Variants in GARRE1 observed in about 807,000 individuals in gnomAD.
The protein encoded by GARRE1 is granule associated Rac and RHOG effector protein 1.
In GARRE1, 49 loss-of-function variants were observed where a neutral mutation model predicts 103.2. That is an observed-to-expected ratio of 0.47 (90% CI 0.38 to 0.60). GARRE1 has a LOEUF of 0.60. GARRE1 is among the 20% of genes least tolerant of loss of function. The probability of loss-of-function intolerance (pLI) is 0.00; values close to 1 mark genes in which losing one functional copy is unlikely to be tolerated. For missense variants in GARRE1, 1,199 were observed against 1,370.5 expected, an observed-to-expected ratio of 0.87 and a Z score of 1.98; for synonymous variants, 505 against 532.8, an observed-to-expected ratio of 0.95 and a Z score of 0.72.
chr19:34,306,976 G>A (rs570315101), intron 2 of GARRE1, among the ~76,000 whole-genome samples: 1 of 152,170 alleles, frequency 6.6e-6, no homozygotes, highest in East Asian at 1.9e-4. Context: ...AGGCCTGAAA[G>A]GGATGAGAGA....
rs1318047066 is a variant in GARRE1, at chr19:34,327,803, CTG to C, written c.882_883del (p.Cys294Ter). The C allele has an allele frequency of 1.2e-6, 2 of 1,614,034 alleles. No homozygotes were observed. Among genetic ancestry groups the C allele is most frequent in the Non-Finnish European group, 1.7e-6 (2 of 1,180,004 alleles). On this transcript the variant is annotated frameshift_variant, in exon 5 of 14. Coordinates refer to ENST00000299505, the MANE Select transcript of GARRE1 (RefSeq NM_014686.5). LOFTEE classifies it high-confidence loss of function. The stretch of plus-strand genomic sequence containing the variant: ...AGATAGCTCTGGAAAGCTTAGGACA[CTG>C]TGAATATGCAATGAAAGCCGGCTTC... ...YKIALESLGHCEYAMKAGFHL... is the reference protein window; with the variant it reads ...YKIALESLGHXEYAMKAGFHL...
At chr19:34,351,949 T>C (rs549402397) in intron 13 of GARRE1, among the ~76,000 whole-genome samples, 1 of 151,764 alleles carries the variant, frequency 6.6e-6, no homozygotes, top group South Asian at 2.1e-4. Context: ...AATTAAAAGA[T>C]CAGCTAGGCA....
intron 2 of GARRE1, among the ~76,000 whole-genome samples, chr19:34,310,926 G>A (rs559766944): frequency 2.6e-5 from 4 of 152,132 alleles, no homozygotes; most frequent in Non-Finnish European, 5.9e-5. Flanking sequence ...GGAGATACTG[G>A]TAGTTGCCTC....
At chr19:34,285,792 A>G (rs1368665403) in intron 1 of GARRE1, among the ~76,000 whole-genome samples, 1 of 152,036 alleles carries the variant, frequency 6.6e-6, no homozygotes, top group Non-Finnish European at 1.5e-5. Context: ...CACTGTGACC[A>G]GCCAGTTCCA....
In GARRE1 at chr19:34,342,340, G is replaced by C; in HGVS notation, c.2406G>C (p.Met802Ile). Residue 802 changes from methionine (M) to isoleucine (I), a missense_variant, in exon 10 of 14, where the codon ATG becomes ATC. Transcript: ENST00000299505. ...GLVSSYMDNV[M>I]SEVLGQKPQG... ...TGAGCAGCTATATGGATAATGTGAT[G>C]TCAGAGGTTCTGGGACAGAAGCCGC... is the stretch of plus-strand genomic sequence containing the variant. The C allele has an allele frequency of 6.2e-7, 1 of 1,614,194 alleles. No individual in the cohort carries two copies. The highest frequency in any genetic ancestry group is 1.1e-5 in the South Asian group (1 of 91,080).
intron 8 of GARRE1, among the ~76,000 whole-genome samples, chr19:34,337,017 G>T (rs1265618501): frequency 2.0e-5 from 3 of 148,286 alleles, no homozygotes; most frequent in African/African-American, 5.0e-5. Flanking sequence ...CCTCTGCTGG[G>T]TGCTTTTGGT....
chr19:34,328,838 C>G (rs935985442), intron 6 of GARRE1, among the ~76,000 whole-genome samples: 1 of 152,092 alleles, frequency 6.6e-6, no homozygotes, highest in African/African-American at 2.4e-5. Flanking sequence ...GAACTCCTGA[C>G]CTCAGCTGAT....
At chr19:34,277,535 T>G (rs2073824088) in intron 1 of GARRE1, among the ~76,000 whole-genome samples, 1 of 152,218 alleles carries the variant, frequency 6.6e-6, no homozygotes, top group African/African-American at 2.4e-5. Context: ...GATTAGATTT[T>G]GATTCAGTAT....
chr19:34,330,758 G>A (rs879636758), intron 7 of GARRE1, among the ~76,000 whole-genome samples: 2 of 133,140 alleles, frequency 1.5e-5, no homozygotes, highest in African/African-American at 5.6e-5. Flanking sequence ...TTGTGTGTGT[G>A]TGTGTGACAG....
At chr19:34,284,924 G>A (rs1437906218) in intron 1 of GARRE1, among the ~76,000 whole-genome samples, 5 of 152,146 alleles carry the variant, frequency 3.3e-5, no homozygotes, top group Non-Finnish European at 4.4e-5. Context: ...GGGCACGGTG[G>A]CATATGCCTG....
intron 2 of GARRE1, among the ~76,000 whole-genome samples, chr19:34,307,634 TATACTTATATATAC>T (rs1177495968): frequency 3.9e-4 from 41 of 106,276 alleles, no homozygotes; most frequent in Middle Eastern, 5.1e-3. Context: ...TATATACATA[TATACTTATATATAC>T]ATACTTATAT....
chr19:34,270,683 T>G (rs1433870143), intron 1 of GARRE1, among the ~76,000 whole-genome samples: 1 of 152,242 alleles, frequency 6.6e-6, no homozygotes, highest in Non-Finnish European at 1.5e-5. Context: ...CAGTCTCTTT[T>G]TTGATGATGC....
intron 2 of GARRE1, among the ~76,000 whole-genome samples, chr19:34,313,695 A>G (rs1449590245): frequency 6.6e-6 from 1 of 152,044 alleles, no homozygotes; most frequent in Non-Finnish European, 1.5e-5. Context: ...AACAAAAAGA[A>G]TTTTCTGACC....
intron 1 of GARRE1, among the ~76,000 whole-genome samples, chr19:34,289,188 A>C (rs1440255412): frequency 1.3e-5 from 2 of 152,036 alleles, no homozygotes; most frequent in African/African-American, 4.8e-5. Flanking sequence ...TAATCCCAGC[A>C]CTTTGGGAGG....
intron 1 of GARRE1, among the ~76,000 whole-genome samples, chr19:34,297,298 A>C (rs945701837): frequency 2.6e-5 from 4 of 152,144 alleles, no homozygotes; most frequent in African/African-American, 9.7e-5. Flanking sequence ...AAAAAAAAAA[A>C]TATTTTGATA....
intron 6 of GARRE1, among the ~76,000 whole-genome samples, chr19:34,329,128 C>T (rs1249792982): frequency 6.6e-6 from 1 of 152,220 alleles, no homozygotes; most frequent in Non-Finnish European, 1.5e-5. Flanking sequence ...ACTTAATGCT[C>T]ACCCATGAGG....
At chr19:34,267,164 G>GCTGAGGTGGGAAGTTGC (rs1280595810) in intron 1 of GARRE1, among the ~76,000 whole-genome samples, 1 of 152,108 alleles carries the variant, frequency 6.6e-6, no homozygotes, top group Non-Finnish European at 1.5e-5. Flanking sequence ...TACTTGGGAG[G>GCTGAGGTGGGAAGTTGC]CTGAGGTGGG....
chr19:34,257,346 C>CT (rs992269273), intron 1 of GARRE1, among the ~76,000 whole-genome samples: 19 of 151,064 alleles, frequency 1.3e-4, no homozygotes, highest in Admixed American at 7.3e-4. Flanking sequence ...TGTCCACTCT[C>CT]TTTTTTTTTG....
intron 6 of GARRE1, among the ~76,000 whole-genome samples, 153 bp downstream of exon 6, chr19:34,328,304 C>T (rs1354178434): frequency 4.0e-5 from 6 of 151,686 alleles, no homozygotes; most frequent in Admixed American, 1.3e-4. Context: ...GGGAGGCGGG[C>T]GGATCACCTG....
Sources: gnomAD v4.1 joint callset for allele counts (sites outside exome capture counted in the v4.1 genomes callset) on GRCh38, gnomAD v4.1.1 for gene constraint, MANE v1.5 for transcripts, NCBI Gene and HGNC (gene_info 2026-07-23, HGNC 2026-07-21) for gene names.